CSMD1: variants seen among roughly 807,000 people sequenced by gnomAD.
CSMD1 encodes CUB and sushi domain-containing protein 1.
A neutral mutation model predicts 417.5 loss-of-function variants in CSMD1; 213 were observed. The observed-to-expected ratio is 0.51, with a 90% CI of 0.46 to 0.57. The LOEUF (loss-of-function observed/expected upper bound fraction) is 0.57, where lower values mean the gene tolerates loss of function less well. CSMD1 is among the 20% of genes least tolerant of loss of function. CSMD1 has a pLI of 0.00. For missense variants in CSMD1, 6,923 were observed against 4,529.7 expected, an observed-to-expected ratio of 1.53 and a Z score of -15.17; for synonymous variants, 2,862 against 1,736.8, an observed-to-expected ratio of 1.65 and a Z score of -16.11.
chr8:4,430,084 A>T (rs1417953304), intron 2 of CSMD1, among the ~76,000 whole-genome samples: 1 of 152,200 alleles, frequency 6.6e-6, no homozygotes, highest in East Asian at 1.9e-4. Context: ...ACAAAACTTA[A>T]TGTTTAAATC....
chr8:4,409,347 T>C (rs988233633), intron 3 of CSMD1, among the ~76,000 whole-genome samples: 1 of 152,160 alleles, frequency 6.6e-6, no homozygotes, highest in African/African-American at 2.4e-5. Context: ...TTCTCTCACA[T>C]CTTCTCCTCG....
intron 37 of CSMD1, among the ~76,000 whole-genome samples, chr8:3,165,669 T>C (rs975092083): frequency 1.3e-5 from 2 of 152,060 alleles, no homozygotes; most frequent in African/African-American, 4.8e-5. Flanking sequence ...CCTGACCTCG[T>C]GATCCACCTG....
At chr8:4,117,945 C>T (rs5019952) in intron 3 of CSMD1, among the ~76,000 whole-genome samples, 2 of 35,770 alleles carry the variant, frequency 5.6e-5, no homozygotes, top group East Asian at 6.6e-4. Context: ...CAGGGCAAGT[C>T]AATAGGAAAA....
chr8:4,145,160 G>A lies in CSMD1; in HGVS notation c.416-113061C>T, dbSNP rs551470427. ...TTTAGACACATGTAATAAAAGGCAC[G>A]AACCCATTCATTCAATTACTAAAAC... On this transcript the variant is annotated intron_variant, in intron 3 of 69. Transcript: ENST00000635120. 8.6e-5 allele frequency among the ~76,000 whole-genome samples: 13 copies of A among 151,136 alleles called. No homozygotes were observed. In the East Asian group the frequency reaches 1.4e-3, roughly 16 times the overall value.
chr8:3,292,990 C>G (rs1157252130), intron 25 of CSMD1, among the ~76,000 whole-genome samples: 1 of 151,998 alleles, frequency 6.6e-6, no homozygotes, highest in Non-Finnish European at 1.5e-5. Flanking sequence ...ATGTTTAGTG[C>G]TTCCTTCAGG....
intron 6 of CSMD1, among the ~76,000 whole-genome samples, chr8:3,744,761 C>T (rs992584389): frequency 6.6e-6 from 1 of 152,160 alleles, no homozygotes; most frequent in African/African-American, 2.4e-5. Context: ...TGTAGGTACT[C>T]TCAAGACTTG....
intron 2 of CSMD1, among the ~76,000 whole-genome samples, chr8:4,434,865 A>C (rs545190974): frequency 7.4e-4 from 113 of 152,282 alleles, no homozygotes; most frequent in Non-Finnish European, 1.4e-3. Flanking sequence ...GCAAGAACAA[A>C]CTACATCTTT....
intron 5 of CSMD1, among the ~76,000 whole-genome samples, chr8:3,840,877 T>C (rs1232764478): frequency 6.6e-6 from 1 of 151,900 alleles, no homozygotes; most frequent in Non-Finnish European, 1.5e-5. Context: ...CCATTAATTT[T>C]TGTATTTTTA....
At chr8:4,070,120 G>C (rs893470680) in intron 3 of CSMD1, among the ~76,000 whole-genome samples, 4 of 151,914 alleles carry the variant, frequency 2.6e-5, no homozygotes, top group Non-Finnish European at 5.9e-5. Context: ...CAGTCTTCTT[G>C]TAAATATTAC....
intron 1 of CSMD1, among the ~76,000 whole-genome samples, chr8:4,863,234 C>T (rs958188425): frequency 2.6e-5 from 4 of 152,158 alleles, no homozygotes; most frequent in African/African-American, 7.2e-5. Flanking sequence ...GAAAAATAAT[C>T]ATGTGTTTTG....
intron 5 of CSMD1, among the ~76,000 whole-genome samples, chr8:3,864,189 A>C (rs188839899): frequency 3.1e-3 from 477 of 152,316 alleles, no homozygotes; most frequent in African/African-American, 0.011. Flanking sequence ...TAAATGATAA[A>C]AACAGAATAA....
chr8:3,527,550 A>G (rs1233972127), intron 10 of CSMD1, among the ~76,000 whole-genome samples: 1 of 152,138 alleles, frequency 6.6e-6, no homozygotes, highest in Non-Finnish European at 1.5e-5. Flanking sequence ...CATGGTCACA[A>G]GAATTGATAC....
intron 54 of CSMD1, 115 bp from the exon 55 acceptor site, chr8:2,978,915 T>C: frequency 2.3e-6 from 2 of 873,662 alleles, no homozygotes; most frequent in Non-Finnish European, 3.4e-6. Context: ...ACTGACAACA[T>C]GATGGCTGAG....
At position 4,379,952 on chromosome 8, in the gene CSMD1, G is replaced by T. The variant is rs929747127; in HGVS notation, c.415+40001C>A. On this transcript the variant is annotated intron_variant, in intron 3 of 69. Coordinates refer to ENST00000635120, the MANE Select transcript of CSMD1 (RefSeq NM_033225.6). The stretch of plus-strand genomic sequence containing the variant: ...GCCAGCATACACTCTGGAGATGGAA[G>T]AGTCGCCACTTTGTAGAAAACACAT... Among the ~76,000 whole-genome samples, 5 of 152,220 alleles carry T rather than the reference G, an allele frequency of 3.3e-5. No homozygotes were observed. The East Asian group carries it at 9.6e-4, about 29-fold the overall frequency.
chr8:4,371,776 T>G (rs563382485), intron 3 of CSMD1, among the ~76,000 whole-genome samples: 2 of 152,346 alleles, frequency 1.3e-5, no homozygotes, highest in Non-Finnish European at 2.9e-5. Context: ...AATAGACAAA[T>G]ATTGTTTTTT....
chr8:3,614,266 T>G (rs1312148195), intron 8 of CSMD1, among the ~76,000 whole-genome samples: 1 of 152,172 alleles, frequency 6.6e-6, no homozygotes, highest in Non-Finnish European at 1.5e-5. Context: ...AATTCTCTTC[T>G]GAGATAAGAT....
rs559620960 is a variant in CSMD1 at position 3,509,645 on chromosome 8, G to T, written c.1345-15919C>A. On this transcript the variant is annotated intron_variant, in intron 10 of 69. Coordinates refer to ENST00000635120, the MANE Select transcript of CSMD1 (RefSeq NM_033225.6). The stretch of plus-strand genomic sequence containing the variant: ...ATCTGGGAAAGGGAAGAAGCTATAA[G>T]ATATCATCAACCTAACAAAAAGAAA... 2.0e-5 allele frequency among the ~76,000 whole-genome samples: 3 copies of T among 152,296 alleles called. No homozygotes were observed. In the South Asian group the frequency reaches 6.2e-4, roughly 32 times the overall value.
intron 5 of CSMD1, among the ~76,000 whole-genome samples, chr8:3,892,957 G>A (rs1041684368): frequency 8.8e-6 from 1 of 114,168 alleles, no homozygotes; most frequent in Non-Finnish European, 2.1e-5. Flanking sequence ...TCTCAAGTCT[G>A]ACCACAGTGA....
At chr8:3,414,814 C>A (rs1340098348) in intron 12 of CSMD1, among the ~76,000 whole-genome samples, 1 of 152,138 alleles carries the variant, frequency 6.6e-6, no homozygotes, top group Non-Finnish European at 1.5e-5. Flanking sequence ...AATATTTAGT[C>A]CATTCTTTCC....
Sources: gnomAD v4.1 joint callset for allele counts (sites outside exome capture counted in the v4.1 genomes callset) on GRCh38, gnomAD v4.1.1 for gene constraint, MANE v1.5 for transcripts, NCBI Gene and HGNC (gene_info 2026-07-23, HGNC 2026-07-21) for gene names.